Variants in NPAS3 observed in about 807,000 individuals in gnomAD.
NPAS3 encodes neuronal PAS domain protein 3, also known as neuronal PAS domain-containing protein 3.
Under a neutral mutation model 73.1 loss-of-function variants are expected in NPAS3, and 14 were observed. The ratio of observed to expected loss-of-function variants is 0.19; its 90% CI spans 0.13 to 0.30. NPAS3 has a LOEUF of 0.30. Among genes scored for constraint, NPAS3 ranks in the 10% least tolerant of loss-of-function variants. NPAS3 has a pLI of 1.00. For synonymous variants in NPAS3, 620 were observed against 541.5 expected, an observed-to-expected ratio of 1.14 and a Z score of -2.01; for missense variants, 1,096 against 1,250.0, an observed-to-expected ratio of 0.88 and a Z score of 1.86.
chr14:33,309,609 C>T (rs137966227), intron 3 of NPAS3, among the ~76,000 whole-genome samples: 133 of 152,244 alleles, frequency 8.7e-4, no homozygotes, highest in African/African-American at 3.1e-3. Context: ...ACCTTTTCTC[C>T]AAATGGGCTG....
intron 5 of NPAS3, among the ~76,000 whole-genome samples, chr14:33,613,305 G>T (rs955489408): frequency 6.6e-6 from 1 of 152,132 alleles, no homozygotes; most frequent in East Asian, 1.9e-4. Flanking sequence ...ATCCTTTGAG[G>T]ACTTGTGACC....
At chr14:33,204,717 CCTAGCTGCATT>C (rs2046759113) in intron 2 of NPAS3, among the ~76,000 whole-genome samples, 1 of 152,160 alleles carries the variant, frequency 6.6e-6, no homozygotes, top group African/African-American at 2.4e-5. Context: ...ACATAGAAAC[CCTAGCTGCATT>C]CTAACGGACT....
chr14:33,504,514 G>A (rs563594445), intron 4 of NPAS3, among the ~76,000 whole-genome samples: 12 of 152,124 alleles, frequency 7.9e-5, no homozygotes, highest in African/African-American at 2.9e-4. Context: ...CAGTCCCTTT[G>A]TAGCATTTCA....
chr14:33,375,079 T>G (rs2046258065), intron 4 of NPAS3, among the ~76,000 whole-genome samples: 1 of 152,176 alleles, frequency 6.6e-6, no homozygotes, highest in South Asian at 2.1e-4. Context: ...TGGCTCTTTT[T>G]GCTAAAGTGG....
intron 5 of NPAS3, among the ~76,000 whole-genome samples, chr14:33,592,909 A>G (rs2057117494): frequency 6.6e-6 from 1 of 152,168 alleles, no homozygotes; most frequent in African/African-American, 2.4e-5. Context: ...TGTTTTCTTC[A>G]GTAACTCACT....
At chr14:33,309,512 C>T (rs2042914928) in intron 3 of NPAS3, among the ~76,000 whole-genome samples, 1 of 152,158 alleles carries the variant, frequency 6.6e-6, no homozygotes, top group Admixed American at 6.5e-5. Context: ...TGTGTGATTC[C>T]AAGCAATTAG....
intron 1 of NPAS3, among the ~76,000 whole-genome samples, chr14:32,996,771 A>C (rs924555835): frequency 1.3e-5 from 2 of 152,196 alleles, no homozygotes; most frequent in Non-Finnish European, 2.9e-5. Context: ...AGTTTGCTGC[A>C]GGGGCAGAGT....
At chr14:33,623,819 C>A (rs757817812) in intron 5 of NPAS3, among the ~76,000 whole-genome samples, 1 of 152,192 alleles carries the variant, frequency 6.6e-6, no homozygotes, top group Non-Finnish European at 1.5e-5. Context: ...ATTCAGGCAA[C>A]CTCATATGAT....
intron 6 of NPAS3, among the ~76,000 whole-genome samples, chr14:33,688,263 T>C (rs1186189918): frequency 2.0e-5 from 3 of 152,182 alleles, no homozygotes; most frequent in Non-Finnish European, 2.9e-5. Context: ...AGGAAAAAAC[T>C]TGGTAGCACG....
At chr14:33,736,951 C>T (rs747099489) in intron 7 of NPAS3, among the ~76,000 whole-genome samples, 2 of 152,150 alleles carry the variant, frequency 1.3e-5, no homozygotes, top group African/African-American at 4.8e-5. Flanking sequence ...TTTAAGAACA[C>T]GGCAATATGC....
At chr14:33,472,089 G>A (rs2050811952) in intron 4 of NPAS3, among the ~76,000 whole-genome samples, 1 of 152,178 alleles carries the variant, frequency 6.6e-6, no homozygotes, top group African/African-American at 2.4e-5. Flanking sequence ...TAAACTATAT[G>A]TATGTCAAAT....
chr14:33,743,687 G>T (rs1166498858), intron 7 of NPAS3, among the ~76,000 whole-genome samples: 1 of 152,180 alleles, frequency 6.6e-6, no homozygotes, highest in African/African-American at 2.4e-5. Flanking sequence ...GAAAATCCTA[G>T]ATGGCATCTT....
At chr14:33,505,723 A>G (rs1443781362) in intron 4 of NPAS3, among the ~76,000 whole-genome samples, 1 of 152,036 alleles carries the variant, frequency 6.6e-6, no homozygotes, top group Non-Finnish European at 1.5e-5. Flanking sequence ...TCGTATCACC[A>G]TCATGTCAAA....
chr14:33,273,396 AGGT>A (rs1340485537), intron 3 of NPAS3, among the ~76,000 whole-genome samples: 1 of 152,192 alleles, frequency 6.6e-6, no homozygotes, highest in Admixed American at 6.6e-5. Flanking sequence ...AATAAAATCT[AGGT>A]TTGAATCCTG....
intron 3 of NPAS3, among the ~76,000 whole-genome samples, chr14:33,315,702 T>C (rs1358126643): frequency 6.6e-6 from 1 of 151,932 alleles, no homozygotes; most frequent in Admixed American, 6.6e-5. Flanking sequence ...AGAGAGTTCA[T>C]CTTCAGGGGA....
chr14:33,385,729 C>T (rs143481729), intron 4 of NPAS3, among the ~76,000 whole-genome samples: 2 of 152,220 alleles, frequency 1.3e-5, no homozygotes, highest in Non-Finnish European at 2.9e-5. Context: ...ATCCAGATGC[C>T]AGTGCTTTGG....
At chr14:32,955,802 G>A (rs1216748801) in intron 1 of NPAS3, among the ~76,000 whole-genome samples, 19 of 151,984 alleles carry the variant, frequency 1.3e-4, no homozygotes, top group Admixed American at 1.1e-3. Flanking sequence ...CTACAAGCAC[G>A]CATAACATAC....
At chr14:33,123,729 GGA>G (rs2043319100) in intron 2 of NPAS3, among the ~76,000 whole-genome samples, 1 of 152,068 alleles carries the variant, frequency 6.6e-6, no homozygotes, top group Non-Finnish European at 1.5e-5. Context: ...CCAAACTAAA[GGA>G]GAGAGATTAA....
At chr14:33,033,777 GTCTAC>G (rs1448866375) in intron 1 of NPAS3, among the ~76,000 whole-genome samples, 1 of 152,186 alleles carries the variant, frequency 6.6e-6, no homozygotes, top group South Asian at 2.1e-4. Context: ...CTCTGCTTAT[GTCTAC>G]TCCTATTGTT....
Sources: gnomAD v4.1 joint callset for allele counts (sites outside exome capture counted in the v4.1 genomes callset) on GRCh38, gnomAD v4.1.1 for gene constraint, MANE v1.5 for transcripts, NCBI Gene and HGNC (gene_info 2026-07-23, HGNC 2026-07-21) for gene names.